PRRC1: variants seen among roughly 807,000 people sequenced by gnomAD.
PRRC1 encodes the protein protein PRRC1.
PRRC1 carries 39 observed loss-of-function variants against 40.7 expected under a neutral mutation model. That is an observed-to-expected ratio of 0.96 (90% CI 0.74 to 1.25). PRRC1 has a LOEUF of 1.25. Among genes scored for constraint, PRRC1 ranks in the 50% most tolerant of loss-of-function variants. The pLI, the probability that PRRC1 is intolerant of heterozygous loss-of-function variation, is 0.00. For missense variants in PRRC1, 573 were observed against 548.3 expected, an observed-to-expected ratio of 1.05 and a Z score of -0.45; for synonymous variants, 175 against 193.3, an observed-to-expected ratio of 0.91 and a Z score of 0.79.
chr5:127,548,787 T>C (rs543545597), intron 8 of PRRC1: 10 of 152,150 alleles, frequency 6.6e-5, no homozygotes, highest in African/African-American at 2.2e-4. Context: ...GGCCTACTTA[T>C]TACAGTTTAG....
chr5:127,536,495 A>G (rs1293317017), intron 6 of PRRC1, among the ~76,000 whole-genome samples: 2 of 152,062 alleles, frequency 1.3e-5, no homozygotes, highest in Admixed American at 1.3e-4. Flanking sequence ...GAGAGAGTTT[A>G]TAGGTCTGAG....
chr5:127,526,410 A>T (rs1380917575), intron 3 of PRRC1, among the ~76,000 whole-genome samples: 2 of 152,214 alleles, frequency 1.3e-5, no homozygotes, highest in South Asian at 2.1e-4. Context: ...TTTTCAGGAT[A>T]CTTGGTTTAA....
intron 6 of PRRC1, among the ~76,000 whole-genome samples, chr5:127,534,815 A>G (rs557748170): frequency 1.3e-5 from 2 of 152,306 alleles, no homozygotes; most frequent in Admixed American, 6.5e-5. Context: ...TTACTTGAAT[A>G]TCTCAAACTT....
chr5:127,519,876 C>T (rs1408469247), intron 1 of PRRC1, among the ~76,000 whole-genome samples: 2 of 152,186 alleles, frequency 1.3e-5, no homozygotes, highest in African/African-American at 4.8e-5. Context: ...CCGACTCCCC[C>T]AGAAAGAACA....
chr5:127,548,117 T>C, intron 8 of PRRC1, 196 bp downstream of exon 8: 1 of 630,480 alleles, frequency 1.6e-6, no homozygotes, highest in East Asian at 2.7e-5. Flanking sequence ...CCTTTTGTTT[T>C]CCAGGTGTCT....
chr5:127,541,838 A>G (rs1359549281), intron 7 of PRRC1, among the ~76,000 whole-genome samples: 3 of 151,820 alleles, frequency 2.0e-5, no homozygotes, highest in Non-Finnish European at 2.9e-5. Flanking sequence ...TCCTGGATTC[A>G]TTAATTTTTT....
chr5:127,538,690 A>G (rs1767960866), intron 6 of PRRC1, among the ~76,000 whole-genome samples: 2 of 152,226 alleles, frequency 1.3e-5, no homozygotes, highest in African/African-American at 4.8e-5. Flanking sequence ...AAAACTTTGT[A>G]TGTAGTAAGA....
rs916096216 is a variant in PRRC1, at chr5:127,552,965, A to G, written c.*1049A>G. ...AGTTTATTTAGTCTACTGTATTTCT[A>G]TTTCGTGGAAGCCTTTTCCCCTCAA... On this transcript the variant is annotated 3_prime_UTR_variant, in exon 9 of 9. Transcript: ENST00000296666. 2.5e-5 allele frequency: 21 copies of G among 848,758 alleles called. No homozygotes were observed. The highest frequency in any genetic ancestry group is 2.8e-5 in the Non-Finnish European group (20 of 706,516). 52.6% of individuals were successfully genotyped at this position (848,758 alleles called of 1,614,324 possible).
intron 7 of PRRC1, among the ~76,000 whole-genome samples, chr5:127,544,777 G>T (rs937358760): frequency 5.9e-5 from 9 of 152,228 alleles, no homozygotes; most frequent in African/African-American, 2.2e-4. Flanking sequence ...TCCAGGTTCC[G>T]TCTGTCACCC....
chr5:127,533,404 G>A (rs1004762697), intron 5 of PRRC1, among the ~76,000 whole-genome samples: 2 of 151,940 alleles, frequency 1.3e-5, no homozygotes, highest in Non-Finnish European at 2.9e-5. Flanking sequence ...TGTCAGTTTT[G>A]AGTCCTGACA....
rs1424975098 is a variant in PRRC1 at position 127,543,924 on chromosome 5, G to C, written c.1026-3895G>C. ...TGTTCCGTTGCTGGTGAGGAACTGC[G>C]TTCCTTTGGAGGAGGAGAGGCGCTC... On this transcript the variant is annotated intron_variant, in intron 7 of 8. Transcript: ENST00000296666. Among the ~76,000 whole-genome samples the C allele has an allele frequency of 5.3e-5, 8 of 152,074 alleles. No homozygotes were observed. In the South Asian group the frequency reaches 8.3e-4, roughly 16 times the overall value.
chr5:127,547,796 T>C lies in PRRC1; in HGVS notation c.1026-23T>C, dbSNP rs182820740. On this transcript the variant is annotated intron_variant, in intron 7 of 8. Coordinates refer to ENST00000296666, the MANE Select transcript of PRRC1 (RefSeq NM_130809.5). ...AGTTTTATTTGGCATATAAACCATT[T>C]GAAACTCGTAATTCTGTTGCAGATG... 9.6e-6 allele frequency: 15 copies of C among 1,559,710 alleles called. No individual in the cohort carries two copies. The African/African-American group carries it at 2.0e-4, about 21-fold the overall frequency.
intron 8 of PRRC1, chr5:127,550,027 A>C (rs1394175407): frequency 6.6e-6 from 1 of 151,884 alleles, no homozygotes; most frequent in Non-Finnish European, 1.5e-5. Context: ...GCTGAGTAAA[A>C]GTCAAAAACA....
At chr5:127,530,005 C>T (rs529894279) in intron 4 of PRRC1, among the ~76,000 whole-genome samples, 1 of 151,984 alleles carries the variant, frequency 6.6e-6, no homozygotes, top group East Asian at 1.9e-4. Flanking sequence ...TATGTATATA[C>T]ACACACATAT....
At position 127,554,805 on chromosome 5, in the gene PRRC1, G is replaced by A. The variant is rs920281122; in HGVS notation, c.*2889G>A. 1.3e-5 allele frequency: 2 copies of A among 152,580 alleles called. No homozygotes were observed. The highest frequency in any genetic ancestry group is 2.9e-5 in the Non-Finnish European group (2 of 68,040). 9.5% of individuals were successfully genotyped at this position (152,580 alleles called of 1,614,324 possible). A position where few individuals can be genotyped will look rare whatever the true frequency, so the allele number is the denominator to read the frequency against. On this transcript the variant is annotated 3_prime_UTR_variant, in exon 9 of 9. Transcript: ENST00000296666. Reference sequence around the variant, plus strand: ...CATCCATTCAAAATTATGCAAGTTAGTAATTACTCAGGGTTAACTAAATTA... The same window carrying A: ...CATCCATTCAAAATTATGCAAGTTAATAATTACTCAGGGTTAACTAAATTA...
chr5:127,532,436 A>G (rs1397106236), intron 5 of PRRC1, among the ~76,000 whole-genome samples: 2 of 152,202 alleles, frequency 1.3e-5, no homozygotes, highest in African/African-American at 4.8e-5. Context: ...CAAATATTCT[A>G]GAAATCATTT....
chr5:127,526,891 T>G lies in PRRC1; in HGVS notation c.654+113T>G, dbSNP rs998806762. On this transcript the variant is annotated intron_variant, in intron 4 of 8. Transcript: ENST00000296666. ...CACAAGGAAAAATAAAATTCTTTTT[T>G]ATTAGCAGTTTTCTGTAGCTGCTCT... The G allele has an allele frequency of 4.9e-5, 46 of 942,876 alleles. No individual in the cohort carries two copies. The African/African-American group carries it at 7.3e-4, about 15-fold the overall frequency. The allele number at this position is 942,876 out of a possible 1,614,324, so 58.4% of individuals were successfully genotyped here.
Position 127,554,070 on chromosome 5 carries a change from T to TA in PRRC1, c.*2155dup. 1 of 634,544 alleles carries TA rather than the reference T, an allele frequency of 1.6e-6. No individual in the cohort carries two copies. Among genetic ancestry groups the TA allele is most frequent in the Admixed American group, 3.4e-5 (1 of 29,548 alleles). The allele number at this position is 634,544 out of a possible 1,614,324, so 39.3% of individuals were successfully genotyped here. ...AGCCTTTTGTTTATTTTGTTGTCCT[T>TA]AGATTTCCCTGTTGTAAAAGGGGCA... On this transcript the variant is annotated 3_prime_UTR_variant, in exon 9 of 9. Coordinates refer to ENST00000296666, the MANE Select transcript of PRRC1 (RefSeq NM_130809.5).
chr5:127,542,136 G>GT (rs1432619254), intron 7 of PRRC1, among the ~76,000 whole-genome samples: 6 of 152,320 alleles, frequency 3.9e-5, no homozygotes, highest in African/African-American at 1.4e-4. Flanking sequence ...TATGTACCCA[G>GT]TAGTCATTCA....
Sources: gnomAD v4.1 joint callset for allele counts (sites outside exome capture counted in the v4.1 genomes callset) on GRCh38, gnomAD v4.1.1 for gene constraint, MANE v1.5 for transcripts, NCBI Gene and HGNC (gene_info 2026-07-23, HGNC 2026-07-21) for gene names.